The following UNKL variants were observed in gnomAD, a reference collection of about 807,000 sequenced individuals.
UNKL encodes putative E3 ubiquitin-protein ligase UNKL.
Under a neutral mutation model 78.0 loss-of-function variants are expected in UNKL, and 60 were observed. The observed-to-expected ratio is 0.77, with a 90% CI of 0.63 to 0.95. The LOEUF is 0.95. UNKL is among the 40% of genes least tolerant of loss of function. UNKL has a pLI of 0.00. For missense variants in UNKL, 1,159 were observed against 1,045.7 expected, an observed-to-expected ratio of 1.11 and a Z score of -1.49; for synonymous variants, 608 against 474.8, an observed-to-expected ratio of 1.28 and a Z score of -3.65.
intron 10 of UNKL, among the ~76,000 whole-genome samples, chr16:1,380,136 G>A: frequency 6.6e-6 from 1 of 152,222 alleles, no homozygotes; most frequent in East Asian, 1.9e-4. Flanking sequence ...CTGTTCCTAT[G>A]AAGTGTAAGA....
chr16:1,384,662 A>C (rs952805091), intron 10 of UNKL, among the ~76,000 whole-genome samples: 21 of 151,876 alleles, frequency 1.4e-4, no homozygotes, highest in Non-Finnish European at 2.1e-4. Flanking sequence ...ACAGTGGTGT[A>C]ATCACAGCTC....
intron 2 of UNKL, chr16:1,408,971 C>G (rs1385155478): frequency 6.6e-6 from 1 of 150,484 alleles, no homozygotes; most frequent in African/African-American, 2.5e-5. Flanking sequence ...GGCTGGAGTG[C>G]AGTGGCGCGA....
chr16:1,385,179 G>C (rs1180276484), intron 10 of UNKL, 29 bp downstream of exon 10: 2 of 1,246,932 alleles, frequency 1.6e-6, no homozygotes, highest in Non-Finnish European at 2.0e-6. Context: ...AAGGAGGTCA[G>C]GGAGAAAGGA....
chr16:1,382,713 T>C (rs2036646760), intron 10 of UNKL, among the ~76,000 whole-genome samples: 1 of 152,058 alleles, frequency 6.6e-6, no homozygotes, highest in South Asian at 2.1e-4. Flanking sequence ...ATCCCAGCAC[T>C]TTGGGAGGCC....
At chr16:1,370,626 C>G (rs530746308) in intron 11 of UNKL, among the ~76,000 whole-genome samples, 36 of 152,320 alleles carry the variant, frequency 2.4e-4, no homozygotes, top group Middle Eastern at 3.4e-3. Context: ...ATGGGCCCCC[C>G]CCAAAGAGGC....
At chr16:1,400,260 AAT>A (rs2037460426) in intron 4 of UNKL, among the ~76,000 whole-genome samples, 1 of 151,640 alleles carries the variant, frequency 6.6e-6, no homozygotes, top group Admixed American at 6.6e-5. Context: ...CTCTACTAAA[AAT>A]AAAAAATTAG....
Position 1,386,734 on chromosome 16 carries a change from C to T in UNKL, c.1087-1349G>A, listed in dbSNP as rs114416145. 3.7e-3 allele frequency among the ~76,000 whole-genome samples: 559 copies of T among 152,244 alleles called. 5 individuals carry two copies. Among genetic ancestry groups the T allele is most frequent in the African/African-American group, 0.013 (530 of 41,516 alleles). On this transcript the variant is annotated intron_variant, in intron 9 of 14. Transcript: ENST00000389221. Reference sequence around the variant, plus strand: ...GCATTTCCTAAAGATCAGAAATCCCCGACAAGAACGCGCCTGGCTCCTGGC... The same window carrying T: ...GCATTTCCTAAAGATCAGAAATCCCTGACAAGAACGCGCCTGGCTCCTGGC...
At chr16:1,397,055 C>G in intron 6 of UNKL, 123 bp downstream of exon 6, 2 of 1,081,944 alleles carry the variant, frequency 1.8e-6, no homozygotes, top group Non-Finnish European at 2.7e-6. Context: ...GGCTTCCCGA[C>G]CTGTGCCAGC....
At chr16:1,384,049 G>A (rs2036714634) in intron 10 of UNKL, 1 of 194,086 alleles carries the variant, frequency 5.2e-6, no homozygotes, top group African/African-American at 2.3e-5. Context: ...ACCACCACAG[G>A]TGGCCTTCCC....
At position 1,363,209 on chromosome 16, in the gene UNKL, A is replaced by T; in HGVS notation, c.*3031T>A. On this transcript the variant is annotated 3_prime_UTR_variant, in exon 15 of 15. Coordinates refer to ENST00000389221, the MANE Select transcript of UNKL (RefSeq NM_001372107.1). Reference sequence around the variant, plus strand: ...GCTCAGAGAAGCAGACAAAACAAAGATTCAAGGTTTTAATTAATTCCCATA... The same window carrying T: ...GCTCAGAGAAGCAGACAAAACAAAGTTTCAAGGTTTTAATTAATTCCCATA... The T allele has an allele frequency of 1.2e-6, 1 of 850,730 alleles. No individual in the cohort carries two copies. The highest frequency in any genetic ancestry group is 1.4e-5 in the South Asian group (1 of 69,852). The allele number at this position is 850,730 out of a possible 1,614,324, so 52.7% of individuals were successfully genotyped here. A position where few individuals can be genotyped will look rare whatever the true frequency, so the allele number is the denominator to read the frequency against.
At chr16:1,404,699 G>C (rs190722925) in intron 2 of UNKL, among the ~76,000 whole-genome samples, 1 of 152,352 alleles carries the variant, frequency 6.6e-6, no homozygotes, top group East Asian at 1.9e-4. Context: ...AGAGCCAAGA[G>C]GCAGAAACCA....
intron 4 of UNKL, 85 bp downstream of exon 4, chr16:1,401,483 G>A: frequency 1.5e-6 from 2 of 1,364,970 alleles, no homozygotes; most frequent in Non-Finnish European, 1.9e-6. Context: ...TAAACTGAAA[G>A]GCACAGGGAA....
At position 1,399,678 on chromosome 16, in the gene UNKL, T is replaced by C. The variant is rs2037432775; in HGVS notation, c.599-169A>G. ...CACGCTGATGTCAAAGGACTCGCGC[T>C]CCATGAGGGAAGCCGGGCCAGAAGG... On this transcript the variant is annotated intron_variant, in intron 4 of 14. Transcript: ENST00000389221. The surrounding 1 kb of genome is among the most constrained non-coding windows in gnomAD (Gnocchi z 5.8). 9.8e-7 allele frequency: 1 copy of C among 1,025,508 alleles called. No individual in the cohort carries two copies. Among genetic ancestry groups the C allele is most frequent in the East Asian group, 2.8e-5 (1 of 35,904 alleles). The allele number at this position is 1,025,508 out of a possible 1,614,324, so 63.5% of individuals were successfully genotyped here. A position where few individuals can be genotyped will look rare whatever the true frequency, so the allele number is the denominator to read the frequency against.
At position 1,365,474 on chromosome 16, in the gene UNKL, A is replaced by G. The variant is rs2035167442; in HGVS notation, c.*766T>C. The G allele has an allele frequency of 6.6e-6, 1 of 152,480 alleles. No homozygotes were observed. The highest frequency in any genetic ancestry group is 2.4e-5 in the African/African-American group (1 of 41,458). The allele number at this position is 152,480 out of a possible 1,614,324, so 9.4% of individuals were successfully genotyped here. ...CGGCCACGGACCACAGAAATGCAGG[A>G]CGGAGCTCTCCTGCTCCCACGCCAC... On this transcript the variant is annotated 3_prime_UTR_variant, in exon 15 of 15. Transcript: ENST00000389221.
chr16:1,365,394 CA>C lies in UNKL; in HGVS notation c.*845del, dbSNP rs1270393546. The C allele has an allele frequency of 6.6e-6, 1 of 152,242 alleles. No homozygotes were observed. The highest frequency in any genetic ancestry group is 1.9e-4 in the East Asian group (1 of 5,200). The allele number at this position is 152,242 out of a possible 1,614,324, so 9.4% of individuals were successfully genotyped here. ...TCTTTCAGAGGGTTAAGGGAGAAAACAAAACCCATGATGCTCCTTCACTTGC... is the reference window on the plus strand; with the variant it reads ...TCTTTCAGAGGGTTAAGGGAGAAAACAAACCCATGATGCTCCTTCACTTGC... On this transcript the variant is annotated 3_prime_UTR_variant, in exon 15 of 15. Coordinates refer to ENST00000389221, the MANE Select transcript of UNKL (RefSeq NM_001372107.1).
At position 1,363,698 on chromosome 16, in the gene UNKL, C is replaced by T. The variant is rs535518208; in HGVS notation, c.*2542G>A. 1.2e-4 allele frequency: 21 copies of T among 168,016 alleles called. No individual in the cohort carries two copies. The highest frequency in any genetic ancestry group is 2.5e-4 in the Non-Finnish European group (19 of 77,206). 10.4% of individuals were successfully genotyped at this position (168,016 alleles called of 1,614,324 possible). A position where few individuals can be genotyped will look rare whatever the true frequency, so the allele number is the denominator to read the frequency against. On this transcript the variant is annotated 3_prime_UTR_variant, in exon 15 of 15. Coordinates refer to ENST00000389221, the MANE Select transcript of UNKL (RefSeq NM_001372107.1). The stretch of plus-strand genomic sequence containing the variant: ...GCCACCTAGGAGCCATCCCTGAGGC[C>T]ATGGCCACCAAGACAGGTGAGGGAG...
chr16:1,368,634 A>AAAAC (rs2035518205), intron 12 of UNKL, among the ~76,000 whole-genome samples: 1 of 146,336 alleles, frequency 6.8e-6, no homozygotes, highest in African/African-American at 2.6e-5. Flanking sequence ...AAAAAAAAAA[A>AAAAC]ACAGGCCTGT....
At chr16:1,380,923 C>A (rs958898524) in intron 10 of UNKL, among the ~76,000 whole-genome samples, 8 of 152,250 alleles carry the variant, frequency 5.3e-5, no homozygotes, top group Admixed American at 1.3e-4. Context: ...GATCCACCCG[C>A]CCTGGCCTCC....
intron 10 of UNKL, among the ~76,000 whole-genome samples, chr16:1,378,498 G>C (rs2036406957): frequency 1.3e-5 from 2 of 152,210 alleles, no homozygotes; most frequent in South Asian, 4.1e-4. Context: ...TTCTCCCCTT[G>C]GAGTGGGGTG....
Sources: allele counts gnomAD v4.1 joint callset (sites outside exome capture counted in the v4.1 genomes callset), GRCh38; gene constraint gnomAD v4.1.1; non-coding constraint Gnocchi (gnomAD v3.1); transcripts MANE v1.5; gene names NCBI Gene and HGNC (gene_info 2026-07-23, HGNC 2026-07-21).